SCHIP1: variants seen among roughly 807,000 people sequenced by gnomAD.
The protein encoded by SCHIP1 is schwannomin-interacting protein 1.
SCHIP1 carries 8 observed loss-of-function variants against 29.7 expected under a neutral mutation model. That is an observed-to-expected ratio of 0.27 (90% CI 0.16 to 0.49). SCHIP1 has a LOEUF of 0.49. Among genes scored for constraint, SCHIP1 ranks in the 20% least tolerant of loss-of-function variants. The probability of loss-of-function intolerance (pLI) is 0.99; values close to 1 mark genes in which losing one functional copy is unlikely to be tolerated. For missense variants in SCHIP1, 193 were observed against 294.6 expected (o/e 0.66, Z 2.52); for synonymous variants, 76 against 94.9 (o/e 0.80, Z 1.16).
chr3:159,331,878 A>G, the SCHIP1 span, among the ~76,000 whole-genome samples: 5 of 152,076 alleles, frequency 3.3e-5, no homozygotes, highest in African/African-American at 1.2e-4. Flanking sequence ...ACTGCATGTG[A>G]GGTCCTTCAT....
the SCHIP1 span, among the ~76,000 whole-genome samples, chr3:159,657,019 C>T: frequency 6.6e-6 from 1 of 151,982 alleles, no homozygotes; most frequent in Admixed American, 6.6e-5. Flanking sequence ...GGGGTCCCTC[C>T]TCATGCATAC....
chr3:159,799,253 G>A, the SCHIP1 span, among the ~76,000 whole-genome samples: 17 of 152,360 alleles, frequency 1.1e-4, no homozygotes, highest in Non-Finnish European at 7.3e-5. Context: ...TGGCTTCTCT[G>A]TTAGAAAGGA....
chr3:159,840,126 C>T, exon 1 of SCHIP1: 3 of 1,532,372 alleles, frequency 2.0e-6, no homozygotes, highest in Non-Finnish European at 1.7e-6. Flanking sequence ...TCCGCGCCTG[C>T]CCTCCGCAGC....
At chr3:159,495,464 C>T in the SCHIP1 span, among the ~76,000 whole-genome samples, 3 of 152,170 alleles carry the variant, frequency 2.0e-5, no homozygotes, top group Non-Finnish European at 4.4e-5. Context: ...ACACCAATCA[C>T]AGACAAACAG....
the SCHIP1 span, among the ~76,000 whole-genome samples, chr3:159,740,791 A>AAG: frequency 6.6e-6 from 1 of 150,556 alleles, no homozygotes; most frequent in Non-Finnish European, 1.5e-5. Context: ...AAAAAAAAAA[A>AAG]GACCAAATGC....
At chr3:159,456,425 C>T in the SCHIP1 span, among the ~76,000 whole-genome samples, 3,792 of 152,208 alleles carry the variant, frequency 0.025, 171 homozygotes, top group African/African-American at 0.086. Flanking sequence ...GAACAAAATT[C>T]ATACCCAACT....
At chr3:159,491,283 G>A in the SCHIP1 span, among the ~76,000 whole-genome samples, 1 of 152,216 alleles carries the variant, frequency 6.6e-6, no homozygotes, top group Non-Finnish European at 1.5e-5. Context: ...AGCACACCAT[G>A]CATGAGTCGA....
At chr3:159,605,347 C>T in the SCHIP1 span, among the ~76,000 whole-genome samples, 1 of 152,080 alleles carries the variant, frequency 6.6e-6, no homozygotes, top group South Asian at 2.1e-4. Context: ...AATTAAAATC[C>T]CAGTAATTAA....
At chr3:159,744,008 A>G in the SCHIP1 span, among the ~76,000 whole-genome samples, 1 of 152,212 alleles carries the variant, frequency 6.6e-6, no homozygotes, top group South Asian at 2.1e-4. Flanking sequence ...TATATACTGT[A>G]CTGTATAGTA....
At chr3:159,460,772 G>T in the SCHIP1 span, among the ~76,000 whole-genome samples, 1 of 152,080 alleles carries the variant, frequency 6.6e-6, no homozygotes, top group Non-Finnish European at 1.5e-5. Context: ...TATGTTGGGG[G>T]AATTATGAGC....
the SCHIP1 span, among the ~76,000 whole-genome samples, chr3:159,810,652 T>C: frequency 6.6e-6 from 1 of 152,254 alleles, no homozygotes; most frequent in Admixed American, 6.5e-5. Context: ...TAGTTCCTTC[T>C]TGTTGCTGAA....
At chr3:159,752,909 G>A in the SCHIP1 span, among the ~76,000 whole-genome samples, 1 of 152,130 alleles carries the variant, frequency 6.6e-6, no homozygotes, top group Non-Finnish European at 1.5e-5. Context: ...GTGTCACAAC[G>A]TATGTAAACA....
At chr3:159,731,294 C>A in the SCHIP1 span, among the ~76,000 whole-genome samples, 1 of 152,214 alleles carries the variant, frequency 6.6e-6, no homozygotes, top group Non-Finnish European at 1.5e-5. Flanking sequence ...TTTTAATCCA[C>A]CCCCAAATCA....
chr3:159,641,439 T>G, the SCHIP1 span, among the ~76,000 whole-genome samples: 1 of 152,206 alleles, frequency 6.6e-6, no homozygotes, highest in South Asian at 2.1e-4. Context: ...GTTCCAAAGT[T>G]AATACAGTTA....
intron 2 of SCHIP1, among the ~76,000 whole-genome samples, chr3:159,877,241 T>G (rs1488659360): frequency 5.3e-5 from 8 of 152,036 alleles, no homozygotes; most frequent in Admixed American, 3.9e-4. Flanking sequence ...TCCCAGCTAC[T>G]CAGGAGGCTG....
the SCHIP1 span, among the ~76,000 whole-genome samples, chr3:159,626,179 T>TATAG: frequency 3.2e-3 from 340 of 106,968 alleles, 18 homozygotes; most frequent in Non-Finnish European, 3.0e-3. Context: ...TATCTATCTA[T>TATAG]CTAGATAGAT....
the SCHIP1 span, among the ~76,000 whole-genome samples, chr3:159,718,660 G>C: frequency 6.6e-6 from 1 of 152,052 alleles, no homozygotes; most frequent in Non-Finnish European, 1.5e-5. Flanking sequence ...AAATACCTAG[G>C]AATCCAACTT....
the SCHIP1 span, among the ~76,000 whole-genome samples, chr3:159,829,284 T>C: frequency 6.6e-6 from 1 of 152,202 alleles, no homozygotes; most frequent in Non-Finnish European, 1.5e-5. Context: ...GCCTAATGTA[T>C]TACATTTCAA....
the SCHIP1 span, among the ~76,000 whole-genome samples, chr3:159,511,059 C>A: frequency 6.6e-6 from 1 of 152,292 alleles, no homozygotes; most frequent in Non-Finnish European, 1.5e-5. Flanking sequence ...ATGCCCTGCC[C>A]CCAGAGGTGG....
Sources: allele counts gnomAD v4.1 joint callset (sites outside exome capture counted in the v4.1 genomes callset), GRCh38; gene constraint gnomAD v4.1.1; transcripts MANE v1.5; gene names NCBI Gene and HGNC (gene_info 2026-07-23, HGNC 2026-07-21).